Variants in EYS observed in about 807,000 individuals in gnomAD.
EYS encodes the protein protein eyes shut homolog.
EYS carries 250 observed loss-of-function variants against 282.1 expected under a neutral mutation model. The ratio of observed to expected loss-of-function variants is 0.89; its 90% CI spans 0.80 to 0.98. EYS has a LOEUF of 0.98. Among genes scored for constraint, EYS ranks in the 50% least tolerant of loss-of-function variants. The pLI, the probability that EYS is intolerant of heterozygous loss-of-function variation, is 0.00. For synonymous variants in EYS, 1,355 were observed against 1,282.9 expected (o/e 1.06, Z -1.20); for missense variants, 4,016 against 3,709.0 (o/e 1.08, Z -2.15).
chr6:65,588,806 T>C (rs1765139987), intron 2 of EYS, among the ~76,000 whole-genome samples: 1 of 152,070 alleles, frequency 6.6e-6, no homozygotes, highest in Admixed American at 6.6e-5. Flanking sequence ...ATTCTGCAGA[T>C]GGCATGCCAA....
intron 13 of EYS, among the ~76,000 whole-genome samples, chr6:65,022,871 G>A (rs142410928): frequency 0.013 from 2,047 of 151,972 alleles, 51 homozygotes; most frequent in African/African-American, 0.046. Flanking sequence ...ATAGAGATAT[G>A]TTGTATCAAG....
intron 26 of EYS, among the ~76,000 whole-genome samples, chr6:64,451,537 C>G (rs541513932): frequency 6.6e-6 from 1 of 152,118 alleles, no homozygotes; most frequent in South Asian, 2.1e-4. Context: ...GATACCAAAG[C>G]CTGGCAAAGA....
intron 33 of EYS, among the ~76,000 whole-genome samples, chr6:64,025,815 G>A (rs1769475379): frequency 6.6e-6 from 1 of 152,080 alleles, no homozygotes; most frequent in African/African-American, 2.4e-5. Flanking sequence ...CCTCCCTCAG[G>A]GTATGGCCCT....
intron 26 of EYS, among the ~76,000 whole-genome samples, chr6:64,539,267 T>A (rs903775950): frequency 7.9e-5 from 12 of 152,170 alleles, no homozygotes; most frequent in African/African-American, 2.9e-4. Flanking sequence ...TACCACAGGT[T>A]TTAAAAGTAG....
intron 22 of EYS, among the ~76,000 whole-genome samples, chr6:64,720,412 T>G (rs1383670654): frequency 1.3e-5 from 2 of 152,200 alleles, no homozygotes; most frequent in Non-Finnish European, 2.9e-5. Context: ...CTGTGCCCTG[T>G]AAAGTAGAAT....
In EYS at chr6:65,402,232, A is replaced by AT. The variant is rs199766156; in HGVS notation, c.1184+245dup. On this transcript the variant is annotated intron_variant, in intron 7 of 42. Transcript: ENST00000503581. The stretch of plus-strand genomic sequence containing the variant: ...TAAAACCTCCATTATTAAACAAAGT[A>AT]TTTTTTAATAACCGTATACCTAAAT... 4.1e-3 allele frequency among the ~76,000 whole-genome samples: 621 copies of AT among 151,948 alleles called. 5 individuals are homozygous for AT. The highest frequency in any genetic ancestry group is 0.014 in the African/African-American group (587 of 41,534).
chr6:64,607,734 T>C (rs1312374390), intron 24 of EYS, among the ~76,000 whole-genome samples: 1 of 152,166 alleles, frequency 6.6e-6, no homozygotes, highest in African/African-American at 2.4e-5. Flanking sequence ...AATCTGAGTA[T>C]GGCTCAGAGT....
At chr6:64,732,609 G>T (rs567545942) in intron 22 of EYS, among the ~76,000 whole-genome samples, 2 of 152,058 alleles carry the variant, frequency 1.3e-5, no homozygotes, top group African/African-American at 4.8e-5. Context: ...ACCTAGTGGC[G>T]TATAGTAAAA....
At chr6:64,091,683 T>A (rs1772366959) in intron 31 of EYS, among the ~76,000 whole-genome samples, 1 of 152,134 alleles carries the variant, frequency 6.6e-6, no homozygotes, top group Admixed American at 6.6e-5. Flanking sequence ...GACCATGTGA[T>A]TGAAACTAGG....
rs954855257 is a variant in EYS at position 64,159,457 on chromosome 6, G to C, written c.6424+71135C>G. On this transcript the variant is annotated intron_variant, in intron 31 of 42. Transcript: ENST00000503581. Reference sequence around the variant, plus strand: ...CACCTGTAGTCCCAGCTACTCAGGAGGCTGAAGCAGGACAATGGCGTGAAC... The same window carrying C: ...CACCTGTAGTCCCAGCTACTCAGGACGCTGAAGCAGGACAATGGCGTGAAC... Among the ~76,000 whole-genome samples the C allele has an allele frequency of 1.2e-4, 18 of 150,084 alleles. No homozygotes were observed. In the East Asian group the frequency reaches 3.0e-3, roughly 25 times the overall value.
intron 2 of EYS, among the ~76,000 whole-genome samples, chr6:65,517,815 A>C (rs1280826658): frequency 6.6e-6 from 1 of 152,044 alleles, no homozygotes; most frequent in African/African-American, 2.4e-5. Flanking sequence ...GGAATAAAAA[A>C]ATTCAAGAAT....
chr6:63,883,265 G>T (rs1250736245), intron 35 of EYS, among the ~76,000 whole-genome samples: 1 of 152,128 alleles, frequency 6.6e-6, no homozygotes, highest in African/African-American at 2.4e-5. Flanking sequence ...CTCTCTCACT[G>T]TGCTCTTGCT....
At chr6:63,918,599 G>T (rs1764485126) in intron 35 of EYS, among the ~76,000 whole-genome samples, 1 of 152,170 alleles carries the variant, frequency 6.6e-6, no homozygotes, top group Non-Finnish European at 1.5e-5. Context: ...TGCAGTATCA[G>T]TAAAGAGTCC....
chr6:64,696,851 A>T (rs9342376), intron 22 of EYS, among the ~76,000 whole-genome samples: 103,485 of 151,988 alleles, frequency 0.68, 36,301 homozygotes, highest in Middle Eastern at 0.78. Flanking sequence ...GGTGTTTTAA[A>T]TATAGAAATA....
At chr6:65,651,347 G>A (rs1767644441) in intron 1 of EYS, among the ~76,000 whole-genome samples, 1 of 151,918 alleles carries the variant, frequency 6.6e-6, no homozygotes, top group South Asian at 2.1e-4. Context: ...GAAAATATAG[G>A]CTTGTAAGAG....
intron 41 of EYS, chr6:63,741,821 T>G: frequency 1.5e-6 from 1 of 653,164 alleles, no homozygotes; most frequent in Admixed American, 2.0e-5. Context: ...CAATCCTTTT[T>G]CCACAGCTCA....
intron 1 of EYS, among the ~76,000 whole-genome samples, chr6:65,666,974 T>C (rs1768222772): frequency 6.6e-6 from 1 of 151,592 alleles, no homozygotes; most frequent in African/African-American, 2.4e-5. Context: ...AAAAAAGATT[T>C]GAATTGTTAA....
rs114737758 is a variant in EYS, at chr6:64,067,012, T to G, written c.6572-521A>C. On this transcript the variant is annotated intron_variant, in intron 32 of 42. Transcript: ENST00000503581. ...TAGAGAAATATATAGAGAAAAGAGATAAATATTTCTTTTCCCCAATCTCAT... is the reference window on the plus strand; with the variant it reads ...TAGAGAAATATATAGAGAAAAGAGAGAAATATTTCTTTTCCCCAATCTCAT... Among the ~76,000 whole-genome samples the G allele has an allele frequency of 8.7e-3, 1,330 of 152,088 alleles. 8 individuals carry two copies. The highest frequency in any genetic ancestry group is 0.013 in the Non-Finnish European group (855 of 67,984).
intron 22 of EYS, among the ~76,000 whole-genome samples, chr6:64,685,477 T>C (rs950157455): frequency 6.6e-6 from 1 of 152,086 alleles, no homozygotes; most frequent in Non-Finnish European, 1.5e-5. Context: ...ACTAATGTTT[T>C]GGGGTGGTGG....
Sources: gnomAD v4.1 joint callset for allele counts (sites outside exome capture counted in the v4.1 genomes callset) on GRCh38, gnomAD v4.1.1 for gene constraint, MANE v1.5 for transcripts, NCBI Gene and HGNC (gene_info 2026-07-23, HGNC 2026-07-21) for gene names.